SLC44A5: variants seen among roughly 807,000 people sequenced by gnomAD.
SLC44A5 encodes choline transporter-like protein 5.
In SLC44A5, 57 loss-of-function variants were observed where a neutral mutation model predicts 101.8. That is an observed-to-expected ratio of 0.56 (90% confidence interval 0.45 to 0.70). The LOEUF is 0.70. SLC44A5 is among the 30% of genes least tolerant of loss of function. The pLI, the probability that SLC44A5 is intolerant of heterozygous loss-of-function variation, is 0.00. For synonymous variants in SLC44A5, 281 were observed against 290.9 expected (o/e 0.97, Z 0.35); for missense variants, 737 against 853.1 (o/e 0.86, Z 1.70).
At chr1:75,274,596 T>C (rs1651765825) in intron 6 of SLC44A5, among the ~76,000 whole-genome samples, 1 of 152,168 alleles carries the variant, frequency 6.6e-6, no homozygotes, top group Non-Finnish European at 1.5e-5. Flanking sequence ...ATCTTAACAA[T>C]TGGACTGTCT....
chr1:75,518,571 A>G (rs1275267174), intron 2 of SLC44A5, among the ~76,000 whole-genome samples: 2 of 152,216 alleles, frequency 1.3e-5, no homozygotes, highest in Non-Finnish European at 2.9e-5. Context: ...AGAAATAAAC[A>G]AATAAATAGA....
chr1:75,333,357 A>C (rs940122651), intron 4 of SLC44A5, among the ~76,000 whole-genome samples: 1 of 152,128 alleles, frequency 6.6e-6, no homozygotes, highest in Non-Finnish European at 1.5e-5. Flanking sequence ...TTAATTATTT[A>C]TTAGCGTGAC....
intron 2 of SLC44A5, among the ~76,000 whole-genome samples, chr1:75,506,907 C>CTTTTTTTTTTTTT (rs61554987): frequency 1.7e-4 from 12 of 68,766 alleles, no homozygotes; most frequent in East Asian, 4.6e-4. Flanking sequence ...TATTCCTATT[C>CTTTTTTTTTTTTT]TTTTTTTTTT....
chr1:75,475,946 A>T (rs1045504393), intron 2 of SLC44A5, among the ~76,000 whole-genome samples: 14 of 152,226 alleles, frequency 9.2e-5, no homozygotes, highest in Non-Finnish European at 1.9e-4. Flanking sequence ...GCACTTCGGG[A>T]AGCCGAGGTG....
intron 1 of SLC44A5, among the ~76,000 whole-genome samples, chr1:75,573,188 T>C (rs368739442): frequency 1.3e-4 from 5 of 39,494 alleles, no homozygotes; most frequent in African/African-American, 5.4e-4. Flanking sequence ...AAGCAAGAAA[T>C]AATGATACAT....
chr1:75,499,295 G>A (rs1245208570), intron 2 of SLC44A5, among the ~76,000 whole-genome samples: 2 of 152,154 alleles, frequency 1.3e-5, no homozygotes, highest in Non-Finnish European at 1.5e-5. Context: ...AGATCATCAG[G>A]CATTAGATTA....
intron 5 of SLC44A5, among the ~76,000 whole-genome samples, chr1:75,286,983 A>G (rs1038874316): frequency 6.6e-6 from 1 of 152,130 alleles, no homozygotes; most frequent in Non-Finnish European, 1.5e-5. Context: ...TCAGATGTCT[A>G]TATCTCTAGC....
intron 2 of SLC44A5, among the ~76,000 whole-genome samples, chr1:75,529,263 G>C (rs1483646444): frequency 6.6e-6 from 1 of 152,134 alleles, no homozygotes; most frequent in Non-Finnish European, 1.5e-5. Context: ...GCAACCCTTA[G>C]CATGTGCATT....
At chr1:75,572,174 C>G (rs529751331) in intron 1 of SLC44A5, among the ~76,000 whole-genome samples, 1 of 152,202 alleles carries the variant, frequency 6.6e-6, no homozygotes, top group East Asian at 1.9e-4. Flanking sequence ...AACATAAGAT[C>G]CAAGTAACAG....
chr1:75,211,178 AC>A (rs1197726874), intron 23 of SLC44A5, among the ~76,000 whole-genome samples: 2 of 152,122 alleles, frequency 1.3e-5, no homozygotes, highest in South Asian at 4.2e-4. Flanking sequence ...TATTTTACTG[AC>A]CCCTCAATCT....
rs1311914600 is a variant in SLC44A5 at position 75,203,790 on chromosome 1, A to C, written c.2091T>G (p.Tyr697Ter). Reference sequence around the variant, plus strand: ...TCTTCAGCAAAGGTTGACTCACATAATAAGGTCTTGCAGTAGAACCATCAT... The same window carrying C: ...TCTTCAGCAAAGGTTGACTCACATACTAAGGTCTTGCAGTAGAACCATCAT... Reference protein sequence around the residue: ...ERNDGSTARPYYVSQPLLKIF... With the variant: ...ERNDGSTARP The change falls in exon 24 of 24, where the codon TAT (tyrosine) becomes TAG (stop). Residue 697 changes from tyrosine to a stop codon, truncating the protein, a stop_gained. Transcript: ENST00000370859. LOFTEE classifies it low-confidence loss of function (END_TRUNC). The C allele has an allele frequency of 3.2e-6, 5 of 1,550,262 alleles. No individual in the cohort carries two copies. The highest frequency in any genetic ancestry group is 4.4e-6 in the Non-Finnish European group (5 of 1,146,280).
At chr1:75,452,553 T>A (rs1274484289) in intron 2 of SLC44A5, among the ~76,000 whole-genome samples, 3 of 152,170 alleles carry the variant, frequency 2.0e-5, no homozygotes, top group African/African-American at 7.2e-5. Context: ...CATATCAATA[T>A]TAATCTTAAA....
At chr1:75,388,856 G>T (rs1255536176) in intron 3 of SLC44A5, among the ~76,000 whole-genome samples, 1 of 151,266 alleles carries the variant, frequency 6.6e-6, no homozygotes, top group Non-Finnish European at 1.5e-5. Context: ...CCACTAAAAG[G>T]CATAGAGTGG....
the SLC44A5 span, among the ~76,000 whole-genome samples, chr1:75,648,570 C>G: frequency 6.6e-6 from 1 of 152,018 alleles, no homozygotes; most frequent in Admixed American, 6.5e-5. Context: ...AAGGGAAGGT[C>G]AGAGAGTGAC....
At chr1:75,521,745 T>G in intron 2 of SLC44A5, 1 of 153,092 alleles carries the variant, frequency 6.5e-6, no homozygotes, top group Non-Finnish European at 1.5e-5. Context: ...ACTGCTGTGG[T>G]CTGAGTGAAT....
chr1:75,281,287 T>C (rs1210994994), intron 5 of SLC44A5, among the ~76,000 whole-genome samples: 1 of 152,088 alleles, frequency 6.6e-6, no homozygotes, highest in East Asian at 1.9e-4. Flanking sequence ...GCAAGGAGAA[T>C]GGCAGCATTT....
At chr1:75,311,019 TAATA>T (rs1655254104) in intron 4 of SLC44A5, among the ~76,000 whole-genome samples, 1 of 151,926 alleles carries the variant, frequency 6.6e-6, no homozygotes, top group African/African-American at 2.4e-5. Flanking sequence ...TTTTTAAAGT[TAATA>T]TATATGCATA....
chr1:75,231,175 T>C (rs1243776432), intron 12 of SLC44A5, among the ~76,000 whole-genome samples: 3 of 152,178 alleles, frequency 2.0e-5, no homozygotes, highest in African/African-American at 7.2e-5. Flanking sequence ...ATGCCAGACT[T>C]ACTCCAGGAG....
chr1:75,535,071 C>CTTTTTTTT (rs34439007), intron 2 of SLC44A5, among the ~76,000 whole-genome samples: 1 of 139,740 alleles, frequency 7.2e-6, no homozygotes, highest in Non-Finnish European at 1.6e-5. Flanking sequence ...ATTGAAGCTG[C>CTTTTTTTT]TTTTTTTTTT....
Sources: allele counts gnomAD v4.1 joint callset (sites outside exome capture counted in the v4.1 genomes callset), GRCh38; gene constraint gnomAD v4.1.1; transcripts MANE v1.5; gene names NCBI Gene and HGNC (gene_info 2026-07-23, HGNC 2026-07-21).